DYSF: variants seen among roughly 807,000 people sequenced by gnomAD.
DYSF encodes dysferlin, also known as dystrophy-associated fer-1-like 1.
In DYSF, 212 loss-of-function variants were observed where a neutral mutation model predicts 274.9. That is an observed-to-expected ratio of 0.77 (90% CI 0.69 to 0.86). DYSF has a LOEUF of 0.86. Among genes scored for constraint, DYSF ranks in the 40% least tolerant of loss-of-function variants. DYSF has a pLI of 0.00. For missense variants in DYSF, 2,666 were observed against 2,783.2 expected, an observed-to-expected ratio of 0.96 and a Z score of 0.95; for synonymous variants, 1,091 against 1,078.7, an observed-to-expected ratio of 1.01 and a Z score of -0.22.
Position 71,593,765 on chromosome 2 carries a change from C to T in DYSF, c.3574+3477C>T, listed in dbSNP as rs145117051. Among the ~76,000 whole-genome samples, 1,105 of 152,262 alleles carry T rather than the reference C, an allele frequency of 7.3e-3. 8 individuals carry two copies. Among genetic ancestry groups the T allele is most frequent in the Non-Finnish European group, 0.012 (792 of 68,018 alleles). On this transcript the variant is annotated intron_variant, in intron 32 of 55. Transcript: ENST00000410020. ...CATAAGCTCTGCTTGTAGAGCTGCC[C>T]GCCCAGATGGAGGACCCTCAGGCAG...
At chr2:71,591,563 T>C (rs1313250736) in intron 32 of DYSF, among the ~76,000 whole-genome samples, 1 of 152,264 alleles carries the variant, frequency 6.6e-6, no homozygotes, top group Non-Finnish European at 1.5e-5. Context: ...CCCCATTTTA[T>C]AGGTGAAGAG....
intron 40 of DYSF, among the ~76,000 whole-genome samples, chr2:71,619,712 C>CGCTT (rs765952046): frequency 1.1e-3 from 162 of 152,264 alleles, no homozygotes; most frequent in Non-Finnish European, 2.8e-4. Flanking sequence ...TCTACCTTTG[C>CGCTT]GCTTGCGATT....
At chr2:71,478,584 A>G (rs1449526436) in intron 1 of DYSF, among the ~76,000 whole-genome samples, 1 of 152,130 alleles carries the variant, frequency 6.6e-6, no homozygotes, top group African/African-American at 2.4e-5. Context: ...AAAGAATCAC[A>G]GGAAATAAGT....
chr2:71,602,640 C>A, intron 35 of DYSF, 136 bp from the exon 36 acceptor site: 1 of 852,174 alleles, frequency 1.2e-6, no homozygotes, highest in Non-Finnish European at 1.9e-6. Context: ...TTTCTGTTGG[C>A]TCCTCTTAGT....
intron 50 of DYSF, 46 bp from the exon 51 acceptor site, chr2:71,669,559 T>A (rs542733408): frequency 6.2e-7 from 1 of 1,613,056 alleles, no homozygotes; most frequent in Non-Finnish European, 8.5e-7. Context: ...ATATACTGTG[T>A]TGGAAATCTT....
chr2:71,653,712 A>G (rs2094711762), intron 42 of DYSF, among the ~76,000 whole-genome samples: 1 of 151,524 alleles, frequency 6.6e-6, no homozygotes, highest in Non-Finnish European at 1.5e-5. Context: ...CTAATGTTAA[A>G]TGAAGAGTTA....
intron 3 of DYSF, among the ~76,000 whole-genome samples, chr2:71,500,651 G>A (rs1431674014): frequency 6.6e-6 from 1 of 152,126 alleles, no homozygotes; most frequent in Non-Finnish European, 1.5e-5. Context: ...AGCAAGGGAG[G>A]CAGAGGAGGT....
At chr2:71,493,462 G>A (rs2084059627) in intron 3 of DYSF, among the ~76,000 whole-genome samples, 1 of 152,018 alleles carries the variant, frequency 6.6e-6, no homozygotes. Flanking sequence ...CCTAAATAAC[G>A]AACAGAGAAA....
At chr2:71,680,727 C>G (rs1390046859) in intron 53 of DYSF, among the ~76,000 whole-genome samples, 1 of 152,212 alleles carries the variant, frequency 6.6e-6, no homozygotes, top group Admixed American at 6.5e-5. Flanking sequence ...TGTGACATTT[C>G]ATAAGCTTGC....
intron 51 of DYSF, among the ~76,000 whole-genome samples, chr2:71,673,675 T>G (rs13024390): frequency 0.56 from 85,736 of 151,864 alleles, 24,718 homozygotes; most frequent in Middle Eastern, 0.64. Context: ...AGAGCAGGAC[T>G]CTGGAACCCA....
At chr2:71,627,259 A>G (rs111319850) in intron 41 of DYSF, among the ~76,000 whole-genome samples, 2 of 151,944 alleles carry the variant, frequency 1.3e-5, no homozygotes, top group African/African-American at 4.8e-5. Context: ...TGCTTTATGC[A>G]TCCTGTAGGT....
At position 71,526,345 on chromosome 2, in the gene DYSF, G is replaced by C; in HGVS notation, c.1275G>C (p.Gln425His). 1 of 1,593,324 alleles carries C rather than the reference G, an allele frequency of 6.3e-7. No individual in the cohort carries two copies. The highest frequency in any genetic ancestry group is 8.6e-7 in the Non-Finnish European group (1 of 1,167,276). The change falls in exon 13 of 56, where the codon CAG becomes CAC. Residue 425 changes from glutamine to histidine, a missense_variant and splice_region_variant. By Grantham distance (24) the Gln-to-His change is conservative (BLOSUM62 0). Around this residue, in one of 3 missense-constraint regions of DYSF, gnomAD observed 794 missense variants for 777.1 expected, o/e 1.02. Coordinates refer to ENST00000410020, the MANE Select transcript of DYSF (RefSeq NM_001130987.2). Reference protein sequence around the residue: ...LKVFRAEDLPQMDDAVMDNVK... With the variant: ...LKVFRAEDLPHMDDAVMDNVK... ...TCTTCCGGGCCGAGGACTTGCCGCA[G>C]AGTGCGTGGGGCGCGCCCTTGGGTG...
intron 3 of DYSF, among the ~76,000 whole-genome samples, chr2:71,482,216 A>G (rs969432443): frequency 2.6e-5 from 4 of 152,086 alleles, no homozygotes; most frequent in Non-Finnish European, 4.4e-5. Context: ...TCAGGTGTCC[A>G]CGCATTTGCA....
At chr2:71,471,848 C>G (rs1411914332) in intron 1 of DYSF, among the ~76,000 whole-genome samples, 1 of 152,032 alleles carries the variant, frequency 6.6e-6, no homozygotes, top group African/African-American at 2.4e-5. Flanking sequence ...TGCCTGTAAT[C>G]CCAGCTACTT....
intron 29 of DYSF, among the ~76,000 whole-genome samples, chr2:71,573,946 C>T (rs781556050): frequency 6.6e-6 from 1 of 152,148 alleles, no homozygotes; most frequent in Non-Finnish European, 1.5e-5. Context: ...CCTCAGCCTC[C>T]CTGGTAGCTG....
rs2094975881 is a variant in DYSF, at chr2:71,665,283, G to C, written c.5296G>C (p.Glu1766Gln). 2 of 1,614,166 alleles carry C rather than the reference G, an allele frequency of 1.2e-6. No homozygotes were observed. Residue 1766 changes from glutamate (E) to glutamine (Q), a missense_variant, in exon 47 of 56, where the codon GAA becomes CAA. Glu to Gln is a conservative substitution (Grantham distance 29). This residue lies in a region of DYSF where 1,460 missense variants were observed against 1,502.1 expected (regional missense o/e 0.97). Coordinates refer to ENST00000410020, the MANE Select transcript of DYSF (RefSeq NM_001130987.2). ...AGACCGTGTAATGTTTCAGGATAAA[G>C]AATATTCCATTGAAGAGATAGGTGA... ...RTDRVMFQDKEYSIEEIEAGR... is the reference protein window; with the variant it reads ...RTDRVMFQDKQYSIEEIEAGR...
chr2:71,638,650 T>C (rs2094442933), intron 41 of DYSF, among the ~76,000 whole-genome samples: 1 of 152,240 alleles, frequency 6.6e-6, no homozygotes, highest in Non-Finnish European at 1.5e-5. Flanking sequence ...TGTCATAACA[T>C]GTATCAGTTC....
chr2:71,686,328 C>T, intron 55 of DYSF, 126 bp from the exon 56 acceptor site: 1 of 1,207,570 alleles, frequency 8.3e-7, no homozygotes. Flanking sequence ...CACGAGCGTC[C>T]TCTCCCAGCC....
chr2:71,592,378 G>T (rs2152846274), intron 32 of DYSF, among the ~76,000 whole-genome samples: 1 of 152,244 alleles, frequency 6.6e-6, no homozygotes, highest in South Asian at 2.1e-4. Flanking sequence ...CACTGCCCAG[G>T]GCTTCCTCAG....
Sources: gnomAD v4.1 joint callset for allele counts (sites outside exome capture counted in the v4.1 genomes callset) on GRCh38, gnomAD v4.1.1 for gene constraint, gnomAD v4.1.1 regional missense constraint, MANE v1.5 for transcripts, NCBI Gene and HGNC (gene_info 2026-07-23, HGNC 2026-07-21) for gene names.